Variants in PRDM16 observed in about 807,000 individuals in gnomAD.
The protein encoded by PRDM16 is histone-lysine N-methyltransferase PRDM16.
A neutral mutation model predicts 110.6 loss-of-function variants in PRDM16; 23 were observed. The ratio of observed to expected loss-of-function variants is 0.21; its 90% CI spans 0.15 to 0.29. PRDM16 has a LOEUF of 0.29. Among genes scored for constraint, PRDM16 ranks in the 10% least tolerant of loss-of-function variants. The pLI, the probability that PRDM16 is intolerant of heterozygous loss-of-function variation, is 1.00. For synonymous variants in PRDM16, 799 were observed against 781.8 expected, an observed-to-expected ratio of 1.02 and a Z score of -0.37; for missense variants, 1,615 against 1,794.3, an observed-to-expected ratio of 0.90 and a Z score of 1.81.
At chr1:3,421,638 C>T (rs1021095059) in intron 12 of PRDM16, among the ~76,000 whole-genome samples, 4 of 152,236 alleles carry the variant, frequency 2.6e-5, no homozygotes, top group East Asian at 1.9e-4. Context: ...CCAAATTGAA[C>T]GCACAGCCCT....
chr1:3,079,612 A>G (rs966151435), intron 1 of PRDM16, among the ~76,000 whole-genome samples: 1 of 152,240 alleles, frequency 6.6e-6, no homozygotes. Context: ...AATCACCCGC[A>G]GGCTCTTATT....
chr1:3,391,468 A>G (rs117509657), intron 4 of PRDM16, among the ~76,000 whole-genome samples: 1,978 of 152,282 alleles, frequency 0.013, 21 homozygotes, highest in South Asian at 0.038. Context: ...ACTTTACTAG[A>G]CGAAGCTATT....
chr1:3,282,691 G>A (rs1640735720), intron 3 of PRDM16, among the ~76,000 whole-genome samples: 1 of 152,218 alleles, frequency 6.6e-6, no homozygotes, highest in Non-Finnish European at 1.5e-5. Context: ...CCAGGAATCA[G>A]CATGGCCACC....
intron 2 of PRDM16, among the ~76,000 whole-genome samples, chr1:3,231,324 T>C (rs1038091038): frequency 8.4e-6 from 1 of 118,370 alleles, no homozygotes; most frequent in Non-Finnish European, 1.6e-5. Flanking sequence ...TGTGTGCACA[T>C]GCCGAAAATA....
intron 2 of PRDM16, among the ~76,000 whole-genome samples, chr1:3,234,196 T>C (rs912133327): frequency 3.3e-5 from 5 of 152,176 alleles, no homozygotes; most frequent in Admixed American, 6.5e-5. Context: ...CTCATCCCCC[T>C]GTTCTGGGGG....
chr1:3,141,217 G>A (rs1409702838), intron 1 of PRDM16, among the ~76,000 whole-genome samples: 3 of 152,190 alleles, frequency 2.0e-5, no homozygotes, highest in Non-Finnish European at 4.4e-5. Flanking sequence ...AGACTTATGG[G>A]CCAATTTGGG....
intron 3 of PRDM16, among the ~76,000 whole-genome samples, chr1:3,316,357 C>G (rs1157036346): frequency 1.3e-5 from 2 of 152,182 alleles, no homozygotes; most frequent in Non-Finnish European, 2.9e-5. Flanking sequence ...AGGATCTCGT[C>G]TAGCCTGCAA....
intron 14 of PRDM16, among the ~76,000 whole-genome samples, chr1:3,430,440 A>G (rs2100701052): frequency 6.6e-6 from 1 of 152,268 alleles, no homozygotes; most frequent in South Asian, 2.1e-4. Context: ...CTCTCGGGCC[A>G]GTGCCCACGT....
At chr1:3,389,516 A>C (rs533111029) in intron 4 of PRDM16, among the ~76,000 whole-genome samples, 15 of 152,262 alleles carry the variant, frequency 9.9e-5, no homozygotes, top group African/African-American at 3.6e-4. Context: ...ACCTCTTGAG[A>C]GGTGACCGGG....
chr1:3,088,035 T>A (rs1642189820), intron 1 of PRDM16, among the ~76,000 whole-genome samples: 1 of 152,030 alleles, frequency 6.6e-6, no homozygotes, highest in African/African-American at 2.4e-5. Flanking sequence ...TCTCACCTTC[T>A]AAAGTCAGCC....
At chr1:3,093,205 A>G (rs1486699775) in intron 1 of PRDM16, among the ~76,000 whole-genome samples, 3 of 152,176 alleles carry the variant, frequency 2.0e-5, no homozygotes, top group Non-Finnish European at 4.4e-5. Context: ...TGATGTCAGG[A>G]GAGCCCAGGC....
rs547401010 is a variant in PRDM16, at chr1:3,425,865, C to T, written c.3109+115C>T. 7.5e-5 allele frequency: 102 copies of T among 1,367,846 alleles called. 1 individual carries two copies. In the African/African-American group the frequency reaches 1.3e-3, roughly 17 times the overall value. 84.7% of individuals were successfully genotyped at this position (1,367,846 alleles called of 1,614,324 possible). A position where few individuals can be genotyped will look rare whatever the true frequency, so the allele number is the denominator to read the frequency against. Reference sequence around the variant, plus strand: ...GGGCAGGGAAGAGGGCCACAGACTACCCCTCAGGAAGCCAACAGGCACCCC... The same window carrying T: ...GGGCAGGGAAGAGGGCCACAGACTATCCCTCAGGAAGCCAACAGGCACCCC... On this transcript the variant is annotated intron_variant, in intron 13 of 16. Coordinates refer to ENST00000270722, the MANE Select transcript of PRDM16 (RefSeq NM_022114.4). This position sits in a 1 kb window ranked among gnomAD's most constrained non-coding sequence, Gnocchi z 6.9.
chr1:3,145,927 C>T (rs918849895), intron 1 of PRDM16, among the ~76,000 whole-genome samples: 9 of 152,222 alleles, frequency 5.9e-5, no homozygotes, highest in African/African-American at 2.2e-4. Flanking sequence ...TGGAGAGGTC[C>T]CCCGGCGCCC....
chr1:3,311,944 C>T lies in PRDM16; in HGVS notation c.438+67807C>T, dbSNP rs1487109438. Among the ~76,000 whole-genome samples, 6 of 152,186 alleles carry T rather than the reference C, an allele frequency of 3.9e-5. No homozygotes were observed. In the East Asian group the frequency reaches 5.8e-4, roughly 15 times the overall value. ...TTTGCAGGTCAGCTCCCGGGGCCCC[C>T]GTCCAGAGTTCCAGACCAGCAGCAT... On this transcript the variant is annotated intron_variant, in intron 3 of 16. Transcript: ENST00000270722.
At chr1:3,118,184 T>C (rs1481229034) in intron 1 of PRDM16, among the ~76,000 whole-genome samples, 1 of 151,820 alleles carries the variant, frequency 6.6e-6, no homozygotes, top group African/African-American at 2.4e-5. Flanking sequence ...AAAGATTGTG[T>C]GTGCATGCAT....
chr1:3,258,366 C>T (rs1431876031), intron 3 of PRDM16, among the ~76,000 whole-genome samples: 3 of 152,052 alleles, frequency 2.0e-5, no homozygotes, highest in Non-Finnish European at 2.9e-5. Flanking sequence ...GTGAGTGTAC[C>T]GTTTTCTTAT....
intron 3 of PRDM16, among the ~76,000 whole-genome samples, chr1:3,340,074 G>C (rs1305080514): frequency 6.6e-6 from 1 of 152,198 alleles, no homozygotes; most frequent in Non-Finnish European, 1.5e-5. Context: ...CAGGTTTGCA[G>C]GTCCATCCTC....
chr1:3,296,684 G>A (rs565683293), intron 3 of PRDM16, among the ~76,000 whole-genome samples: 3 of 152,368 alleles, frequency 2.0e-5, no homozygotes, highest in African/African-American at 7.2e-5. Flanking sequence ...AGGATGGGCA[G>A]CCTGGATGCA....
chr1:3,181,160 A>G (rs914638977), intron 1 of PRDM16, among the ~76,000 whole-genome samples: 2 of 139,948 alleles, frequency 1.4e-5, no homozygotes, highest in South Asian at 2.7e-4. Flanking sequence ...GCAGTCTTAC[A>G]CGCGGTCTTA....
Sources: allele counts gnomAD v4.1 joint callset (sites outside exome capture counted in the v4.1 genomes callset), GRCh38; gene constraint gnomAD v4.1.1; non-coding constraint Gnocchi (gnomAD v3.1); transcripts MANE v1.5; gene names NCBI Gene and HGNC (gene_info 2026-07-23, HGNC 2026-07-21).